The following PHF24 variants were observed in gnomAD, a reference collection of about 807,000 sequenced individuals.
PHF24 encodes the protein Galpha inhibitory interacting protein.
Under a neutral mutation model 42.6 loss-of-function variants are expected in PHF24, and 25 were observed. That is an observed-to-expected ratio of 0.59 (90% CI 0.43 to 0.82). The LOEUF (loss-of-function observed/expected upper bound fraction) is 0.82. PHF24 is among the 40% of genes least tolerant of loss of function. The pLI is 0.00. For missense variants in PHF24, 470 were observed against 538.1 expected, an observed-to-expected ratio of 0.87 and a Z score of 1.25; for synonymous variants, 185 against 204.8, an observed-to-expected ratio of 0.90 and a Z score of 0.83.
chr9:34,824,938 T>C, the PHF24 span, among the ~76,000 whole-genome samples: 1 of 152,178 alleles, frequency 6.6e-6, no homozygotes, highest in Non-Finnish European at 1.5e-5. Context: ...AGTTGTTCCT[T>C]CTTATTTGAA....
the PHF24 span, among the ~76,000 whole-genome samples, chr9:34,775,089 G>GA: frequency 6.6e-6 from 1 of 152,136 alleles, no homozygotes; most frequent in Non-Finnish European, 1.5e-5. Context: ...GGAACTTGAA[G>GA]AGATATTCGT....
the PHF24 span, among the ~76,000 whole-genome samples, chr9:34,696,822 C>T: frequency 2.0e-5 from 3 of 152,118 alleles, no homozygotes; most frequent in African/African-American, 7.2e-5. Context: ...CCTTCCCTTC[C>T]GTTAGATAAT....
At chr9:34,857,901 G>A in the PHF24 span, among the ~76,000 whole-genome samples, 56,111 of 150,058 alleles carry the variant, frequency 0.37, 10,783 homozygotes, top group East Asian at 0.67. Flanking sequence ...TTTTTAAAAA[G>A]TCATTTCAGT....
chr9:34,809,044 AAAAAAT>A, the PHF24 span, among the ~76,000 whole-genome samples: 19 of 112,462 alleles, frequency 1.7e-4, no homozygotes, highest in African/African-American at 6.4e-4. This position sits in a 1 kb window ranked among gnomAD's most constrained non-coding sequence, Gnocchi z 4.1. Context: ...TAATAAAAAA[AAAAAAT>A]AATAAATAAA....
chr9:34,666,000 T>G, the PHF24 span: 1 of 391,132 alleles, frequency 2.6e-6, no homozygotes, highest in South Asian at 2.9e-5. Flanking sequence ...CTGAGAGGGG[T>G]CAGCGCAGCC....
the PHF24 span, among the ~76,000 whole-genome samples, chr9:34,913,801 G>A: frequency 3.3e-5 from 5 of 152,086 alleles, no homozygotes; most frequent in African/African-American, 9.7e-5. Context: ...CTTTCACTAC[G>A]GTACACTCAC....
chr9:34,684,523 G>A, the PHF24 span, among the ~76,000 whole-genome samples: 3 of 152,250 alleles, frequency 2.0e-5, no homozygotes, highest in East Asian at 5.8e-4. Flanking sequence ...GAGGAATGGT[G>A]GCTTGATAGT....
the PHF24 span, among the ~76,000 whole-genome samples, chr9:34,676,321 C>T: frequency 3.3e-5 from 5 of 152,056 alleles, no homozygotes; most frequent in Non-Finnish European, 7.4e-5. Flanking sequence ...CCCAGGAGTT[C>T]AAGACCAGCC....
At chr9:34,709,833 A>G in the PHF24 span, 2 of 1,614,176 alleles carry the variant, frequency 1.2e-6, no homozygotes, top group Non-Finnish European at 1.7e-6. Flanking sequence ...AGCTGCGGAC[A>G]ACCTTGGCGG....
chr9:34,918,222 T>G, the PHF24 span: 4 of 1,497,414 alleles, frequency 2.7e-6, no homozygotes, highest in Non-Finnish European at 3.7e-6. Context: ...TGACCCCTTT[T>G]CGGTGACAGA....
chr9:34,698,104 A>G, the PHF24 span, among the ~76,000 whole-genome samples: 1 of 152,168 alleles, frequency 6.6e-6, no homozygotes, highest in African/African-American at 2.4e-5. Flanking sequence ...CGACCCATAC[A>G]AGTGGAAAAA....
At chr9:34,976,194 C>T (rs1224599494) in exon 4 of PHF24, 6 of 1,614,146 alleles carry the variant, frequency 3.7e-6, no homozygotes, top group South Asian at 1.1e-5. Context: ...AATGTATAGC[C>T]TCACGGAGAC....
chr9:34,870,543 G>A, the PHF24 span, among the ~76,000 whole-genome samples: 8 of 149,666 alleles, frequency 5.3e-5, no homozygotes, highest in Middle Eastern at 3.5e-3. Flanking sequence ...GATTGATTTC[G>A]TTCACTTAGC....
the PHF24 span, among the ~76,000 whole-genome samples, chr9:34,951,423 G>A: frequency 6.6e-6 from 1 of 152,326 alleles, no homozygotes; most frequent in South Asian, 2.1e-4. Flanking sequence ...ATAATCATAA[G>A]TGTCTTTATA....
chr9:34,929,035 T>C, the PHF24 span, among the ~76,000 whole-genome samples: 23 of 152,296 alleles, frequency 1.5e-4, no homozygotes, highest in Non-Finnish European at 2.9e-4. Flanking sequence ...GATGCTGTGC[T>C]ATAGCCCACT....
chr9:34,943,975 T>C, the PHF24 span, among the ~76,000 whole-genome samples: 2 of 152,258 alleles, frequency 1.3e-5, no homozygotes, highest in South Asian at 2.1e-4. Flanking sequence ...TCTTCTGAGC[T>C]CTGCCATAAG....
chr9:34,710,797 T>A, the PHF24 span, among the ~76,000 whole-genome samples: 3 of 152,082 alleles, frequency 2.0e-5, no homozygotes, highest in African/African-American at 7.2e-5. Flanking sequence ...TTCATTTTTA[T>A]TTTTTCTAGA....
chr9:34,838,526 C>T, the PHF24 span: 2 of 1,303,280 alleles, frequency 1.5e-6, no homozygotes, highest in Non-Finnish European at 2.2e-6. Flanking sequence ...GATCAGCCAT[C>T]CCTCTATCTC....
chr9:34,840,516 C>T, the PHF24 span, among the ~76,000 whole-genome samples: 1 of 133,754 alleles, frequency 7.5e-6, no homozygotes, highest in East Asian at 2.2e-4. Context: ...TTCCTTCCTC[C>T]TCCTCTTCCT....
Sources: gnomAD v4.1 joint callset for allele counts (sites outside exome capture counted in the v4.1 genomes callset) on GRCh38, gnomAD v4.1.1 for gene constraint, Gnocchi (gnomAD v3.1) non-coding constraint, MANE v1.5 for transcripts, NCBI Gene and HGNC (gene_info 2026-07-23, HGNC 2026-07-21) for gene names.